Variants in EPB41L4B observed in about 807,000 individuals in gnomAD.
EPB41L4B encodes band 4.1-like protein 4B.
EPB41L4B carries 30 observed loss-of-function variants against 112.5 expected under a neutral mutation model. The observed-to-expected ratio is 0.27, with a 90% confidence interval of 0.20 to 0.36. The LOEUF (loss-of-function observed/expected upper bound fraction) is 0.36. EPB41L4B is among the 10% of genes least tolerant of loss of function. EPB41L4B has a pLI of 1.00. For missense variants in EPB41L4B, 1,024 were observed against 1,133.3 expected (o/e 0.90, Z 1.38); for synonymous variants, 408 against 439.7 (o/e 0.93, Z 0.90).
At chr9:109,287,006 C>T (rs1412663023) in intron 1 of EPB41L4B, among the ~76,000 whole-genome samples, 2 of 152,222 alleles carry the variant, frequency 1.3e-5, no homozygotes, top group Non-Finnish European at 2.9e-5. Context: ...TTCCCAAAGA[C>T]CAACAACTGG....
chr9:109,298,248 C>T (rs987544912), intron 1 of EPB41L4B, among the ~76,000 whole-genome samples: 5 of 151,812 alleles, frequency 3.3e-5, no homozygotes, highest in Non-Finnish European at 7.4e-5. Context: ...ACTATAAGTT[C>T]ACCACACAAA....
At chr9:109,297,435 C>T (rs1836774704) in intron 1 of EPB41L4B, among the ~76,000 whole-genome samples, 1 of 152,242 alleles carries the variant, frequency 6.6e-6, no homozygotes, top group South Asian at 2.1e-4. Flanking sequence ...TTACAACCAG[C>T]ATGACCCCAA....
intron 4 of EPB41L4B, among the ~76,000 whole-genome samples, chr9:109,265,293 G>A (rs780002799): frequency 7.9e-5 from 12 of 152,226 alleles, no homozygotes; most frequent in Non-Finnish European, 1.5e-4. Flanking sequence ...GTCCAATGAC[G>A]GCCTCCACAA....
chr9:109,318,875 C>A (rs956807109), intron 1 of EPB41L4B, among the ~76,000 whole-genome samples: 5 of 152,136 alleles, frequency 3.3e-5, no homozygotes, highest in Admixed American at 1.3e-4. Flanking sequence ...GAAACTGTCT[C>A]GAAATTCAGC....
chr9:109,178,338 A>C (rs911359742), intron 24 of EPB41L4B, among the ~76,000 whole-genome samples: 24 of 150,376 alleles, frequency 1.6e-4, no homozygotes, highest in Non-Finnish European at 3.2e-4. Context: ...AACTTATTAC[A>C]TGAGTTTCTA....
At chr9:109,207,757 A>T (rs549627464) in intron 18 of EPB41L4B, among the ~76,000 whole-genome samples, 167 bp downstream of exon 18, 1 of 152,216 alleles carries the variant, frequency 6.6e-6, no homozygotes, top group East Asian at 1.9e-4. Context: ...ATCCTTTTAA[A>T]TTAAAATCAT....
Position 109,258,335 on chromosome 9 carries a change from T to C in EPB41L4B, c.632-38A>G, listed in dbSNP as rs769177512. On this transcript the variant is annotated intron_variant, in intron 6 of 25. Transcript: ENST00000374566. ...TAAAAGGGAGGAAAATAGGAGACAT[T>C]GAATGATTTCAGTTATTGCTGCAAC... 2.5e-6 allele frequency: 4 copies of C among 1,599,464 alleles called. No homozygotes were observed. The East Asian group carries it at 9.0e-5, about 36-fold the overall frequency.
intron 5 of EPB41L4B, 89 bp from the exon 6 acceptor site, chr9:109,263,191 C>A (rs1040926400): frequency 7.6e-6 from 7 of 918,896 alleles, no homozygotes; most frequent in Non-Finnish European, 1.2e-5. Context: ...CAAAAGGTAG[C>A]GCTATTTAGA....
chr9:109,217,096 C>T lies in EPB41L4B; in HGVS notation c.1459G>A (p.Gly487Ser). ...VLSSSDRLPF[G>S]IEENGGTPFL... ...GGTGTGCCCCCATTCTCCTCAATGC[C>T]AAAAGGCAACCGGTCCGAGCTGCTA... The change falls in exon 16 of 26, where the codon GGC becomes AGC. Residue 487 changes from glycine (G) to serine (S), a missense_variant. Physicochemically the swap from Gly to Ser is moderately conservative, Grantham distance 56 (BLOSUM62 0). Transcript: ENST00000374566. 1 of 1,614,116 alleles carries T rather than the reference C, an allele frequency of 6.2e-7. No individual in the cohort carries two copies. Among genetic ancestry groups the T allele is most frequent in the Middle Eastern group, 1.7e-4 (1 of 6,034 alleles).
intron 1 of EPB41L4B, among the ~76,000 whole-genome samples, chr9:109,296,400 G>C (rs569218395): frequency 1.3e-5 from 2 of 152,190 alleles, no homozygotes; most frequent in Admixed American, 1.3e-4. Flanking sequence ...GTCAGCAGGT[G>C]AGAGTTTGAA....
intron 1 of EPB41L4B, among the ~76,000 whole-genome samples, chr9:109,303,182 A>G (rs968877179): frequency 6.6e-6 from 1 of 152,142 alleles, no homozygotes; most frequent in African/African-American, 2.4e-5. Flanking sequence ...CTCCATACTT[A>G]GAAAAAAAGA....
At chr9:109,271,153 C>CAG (rs1835599961) in intron 2 of EPB41L4B, among the ~76,000 whole-genome samples, 1 of 152,234 alleles carries the variant, frequency 6.6e-6, no homozygotes, top group African/African-American at 2.4e-5. Flanking sequence ...AGGCAGACCA[C>CAG]AGCCAGATGC....
intron 20 of EPB41L4B, among the ~76,000 whole-genome samples, chr9:109,198,707 A>C (rs1832726221): frequency 6.6e-6 from 1 of 152,192 alleles, no homozygotes; most frequent in African/African-American, 2.4e-5. Flanking sequence ...CAGGAGTTCG[A>C]AACCAGCCTG....
rs371992646 is a variant in EPB41L4B, at chr9:109,240,259, CTG to C, written c.1409+3357_1409+3358del. 1.7e-4 allele frequency: 170 copies of C among 985,344 alleles called. No individual in the cohort carries two copies. The African/African-American group carries it at 2.8e-3, about 16-fold the overall frequency. 61.0% of individuals were successfully genotyped at this position (985,344 alleles called of 1,614,324 possible). ...CATTTATTTGTATGCAGCACATACA[CTG>C]AGCATCAGAACGTCTGCTAAAATGG... On this transcript the variant is annotated intron_variant, in intron 15 of 25. Transcript: ENST00000374566.
At chr9:109,281,261 A>T (rs1470248290) in intron 1 of EPB41L4B, among the ~76,000 whole-genome samples, 3 of 152,216 alleles carry the variant, frequency 2.0e-5, no homozygotes, top group African/African-American at 7.2e-5. Flanking sequence ...TATCCAATTT[A>T]AAAATGGACA....
intron 24 of EPB41L4B, among the ~76,000 whole-genome samples, chr9:109,177,820 CAA>C (rs1192617011): frequency 1.2e-4 from 15 of 129,278 alleles, no homozygotes; most frequent in Admixed American, 1.6e-4. Flanking sequence ...GACTCTGTCT[CAA>C]AAAAAAAAAA....
rs1046136319 is a variant in EPB41L4B at position 109,310,609 on chromosome 9, C to A, written c.306+9532G>T. 2.6e-5 allele frequency among the ~76,000 whole-genome samples: 4 copies of A among 152,308 alleles called. No individual in the cohort carries two copies. In the Middle Eastern group the frequency reaches 0.014, roughly 518 times the overall value. On this transcript the variant is annotated intron_variant, in intron 1 of 25. Coordinates refer to ENST00000374566, the MANE Select transcript of EPB41L4B (RefSeq NM_019114.5). ...AGAAAACTTGCCTGCCACACACCCC[C>A]AAACGAAGCCCAGACAGCCTTGGAA...
At position 109,172,729 on chromosome 9, in the gene EPB41L4B, C is replaced by T. The variant is rs1185233848; in HGVS notation, c.*1825G>A. The T allele has an allele frequency of 6.6e-6, 1 of 152,230 alleles. No homozygotes were observed. The highest frequency in any genetic ancestry group is 1.5e-5 in the Non-Finnish European group (1 of 67,984). The allele number at this position is 152,230 out of a possible 1,614,324, so 9.4% of individuals were successfully genotyped here. On this transcript the variant is annotated 3_prime_UTR_variant, in exon 26 of 26. Transcript: ENST00000374566. ...TGCGTAATACATTTTAGAAAGATTT[C>T]CCTCAAAAAAAAATATATTAAAATT...
chr9:109,272,283 C>T (rs1835653949), intron 2 of EPB41L4B, among the ~76,000 whole-genome samples: 1 of 152,096 alleles, frequency 6.6e-6, no homozygotes, highest in East Asian at 1.9e-4. Flanking sequence ...ATAGCAAGAC[C>T]CCATCTCTAT....
Sources: allele counts gnomAD v4.1 joint callset (sites outside exome capture counted in the v4.1 genomes callset), GRCh38; gene constraint gnomAD v4.1.1; transcripts MANE v1.5; gene names NCBI Gene and HGNC (gene_info 2026-07-23, HGNC 2026-07-21).